Variants in STYXL2 observed in about 807,000 individuals in gnomAD.
The protein encoded by STYXL2 is serine/threonine/tyrosine-interacting-like protein 2.
In STYXL2, 44 loss-of-function variants were observed where a neutral mutation model predicts 52.4. The ratio of observed to expected loss-of-function variants is 0.84; its 90% confidence interval spans 0.66 to 1.08. STYXL2 has a LOEUF of 1.08. Among genes scored for constraint, STYXL2 ranks in the 50% least tolerant of loss-of-function variants. STYXL2 has a pLI of 0.00. For synonymous variants in STYXL2, 604 were observed against 586.9 expected, an observed-to-expected ratio of 1.03 and a Z score of -0.42; for missense variants, 1,604 against 1,471.7, an observed-to-expected ratio of 1.09 and a Z score of -1.47.
rs750104223 is a variant in STYXL2 at position 167,126,046 on chromosome 1, C to CG, written c.919dup (p.Ala307GlyfsTer182). The CG allele has an allele frequency of 3.2e-6, 5 of 1,582,692 alleles. No homozygotes were observed. Among genetic ancestry groups the CG allele is most frequent in the Non-Finnish European group, 4.3e-6 (5 of 1,165,086 alleles). Reference sequence around the variant, plus strand: ...AGGGCGAGGGCACTGGGAGCATGCTCGGGGCCAGAGTGCACGCCCTGACGG... The same window carrying CG: ...AGGGCGAGGGCACTGGGAGCATGCTCGGGGGCCAGAGTGCACGCCCTGACGG... On this transcript the variant is annotated frameshift_variant, in exon 6 of 6. Coordinates refer to ENST00000361200, the MANE Select transcript of STYXL2 (RefSeq NM_001080426.3). LOFTEE classifies it low-confidence loss of function (END_TRUNC).
At position 167,128,503 on chromosome 1, in the gene STYXL2, T is replaced by TG. The variant is rs751225527; in HGVS notation, c.3373dup (p.Asp1125GlyfsTer11). 30 of 1,613,518 alleles carry TG rather than the reference T, an allele frequency of 1.9e-5. No individual in the cohort carries two copies. Among genetic ancestry groups the TG allele is most frequent in the Middle Eastern group, 3.3e-4 (2 of 6,082 alleles). On this transcript the variant is annotated frameshift_variant, in exon 6 of 6. Coordinates refer to ENST00000361200, the MANE Select transcript of STYXL2 (RefSeq NM_001080426.3). LOFTEE classifies it high-confidence loss of function. ...GGCGGTCCCAGTATCGGAGAAGCACTGACAGGGAGGAAGAGGAAGAAATGG... is the reference window on the plus strand; with the variant it reads ...GGCGGTCCCAGTATCGGAGAAGCACTGGACAGGGAGGAAGAGGAAGAAATGG...
intron 3 of STYXL2, among the ~76,000 whole-genome samples, chr1:167,114,407 C>A (rs1279533172): frequency 6.6e-6 from 1 of 152,202 alleles, no homozygotes; most frequent in Non-Finnish European, 1.5e-5. Context: ...CTTCCCCTTT[C>A]TTCTCCCTTC....
chr1:167,113,881 C>A, intron 3 of STYXL2, 77 bp downstream of exon 3: 1 of 1,114,828 alleles, frequency 9.0e-7, no homozygotes, highest in Non-Finnish European at 1.4e-6. Flanking sequence ...CATTGGAAGA[C>A]GTCAATGTGC....
chr1:167,096,685 T>C (rs137869546), intron 2 of STYXL2, among the ~76,000 whole-genome samples: 1,750 of 152,300 alleles, frequency 0.011, 21 homozygotes, highest in Non-Finnish European at 0.017. Flanking sequence ...CTCAGCAAGG[T>C]CATGCTTTCT....
intron 3 of STYXL2, among the ~76,000 whole-genome samples, chr1:167,114,225 G>C (rs1417018964): frequency 2.0e-5 from 3 of 152,132 alleles, no homozygotes; most frequent in African/African-American, 7.2e-5. Context: ...GGATGCATGG[G>C]GAGGAGGGAA....
At position 167,127,493 on chromosome 1, in the gene STYXL2, C is replaced by G; in HGVS notation, c.2362C>G (p.Gln788Glu). 1 of 1,614,108 alleles carries G rather than the reference C, an allele frequency of 6.2e-7. No homozygotes were observed. ...GGGTGGCTGCCTGTTGCCTCAGAGCCAGGCAAGACCCAGCTCTGACATGCA... is the reference window on the plus strand; with the variant it reads ...GGGTGGCTGCCTGTTGCCTCAGAGCGAGGCAAGACCCAGCTCTGACATGCA... ...SLGGCLLPQS[Q>E]ARPSSDMQSV... Residue 788 changes from glutamine to glutamate, a missense_variant, in exon 6 of 6, where the codon CAG (glutamine) becomes GAG (glutamate). Transcript: ENST00000361200.
At chr1:167,112,437 A>G (rs1473745912) in intron 2 of STYXL2, among the ~76,000 whole-genome samples, 1 of 152,224 alleles carries the variant, frequency 6.6e-6, no homozygotes, top group Non-Finnish European at 1.5e-5. Context: ...TCTCAGCTCA[A>G]GTTAGCTTTG....
At position 167,107,092 on chromosome 1, in the gene STYXL2, G is replaced by A. The variant is rs574410352; in HGVS notation, c.111-6618G>A. Reference sequence around the variant, plus strand: ...GGGCTGCAAGGTCCATTTCTAAGAGGATCATTCACATGGTTGGCTGTTGGC... The same window carrying A: ...GGGCTGCAAGGTCCATTTCTAAGAGAATCATTCACATGGTTGGCTGTTGGC... On this transcript the variant is annotated intron_variant, in intron 2 of 5. Transcript: ENST00000361200. Among the ~76,000 whole-genome samples the A allele has an allele frequency of 2.0e-5, 3 of 152,266 alleles. No homozygotes were observed. The South Asian group carries it at 6.2e-4, about 32-fold the overall frequency.
chr1:167,110,844 C>T (rs1472468018), intron 2 of STYXL2, among the ~76,000 whole-genome samples: 2 of 152,236 alleles, frequency 1.3e-5, no homozygotes, highest in Non-Finnish European at 2.9e-5. Flanking sequence ...CCTTCCAGCA[C>T]TTCCCCAACC....
chr1:167,120,164 C>T (rs1345539708), intron 5 of STYXL2, among the ~76,000 whole-genome samples: 1 of 152,142 alleles, frequency 6.6e-6, no homozygotes, highest in Non-Finnish European at 1.5e-5. Flanking sequence ...GAGAGTAGTG[C>T]TTTGGGGTTG....
rs571734495 is a variant in STYXL2, at chr1:167,103,302, A to T, written c.110+8343A>T. ...ATTCCCAGGTTTTGGAAGACATACC[A>T]TTTTGGAGGGCACCGTTCAACTCAC... On this transcript the variant is annotated intron_variant, in intron 2 of 5. Transcript: ENST00000361200. Among the ~76,000 whole-genome samples, 9 of 152,142 alleles carry T rather than the reference A, an allele frequency of 5.9e-5. No homozygotes were observed. In the East Asian group the frequency reaches 1.7e-3, roughly 29 times the overall value.
chr1:167,121,167 C>T (rs1339808766), intron 5 of STYXL2, among the ~76,000 whole-genome samples: 2 of 151,870 alleles, frequency 1.3e-5, no homozygotes, highest in African/African-American at 4.8e-5. Flanking sequence ...CTCCCACTAC[C>T]ACGCCCAGCT....
Position 167,117,330 on chromosome 1 carries a change from C to T in STYXL2, c.208C>T (p.Leu70Phe), listed in dbSNP as rs745492802. Residue 70 changes from leucine (L) to phenylalanine (F), a missense_variant and splice_region_variant, in exon 4 of 6, where the codon CTC (leucine) becomes TTC (phenylalanine). Transcript: ENST00000361200. ...IAAKQIINEE[L>F]KPPGVRADAE... ...AGAATGCTGCCTGTCTCCTCTAGAA[C>T]TCAAGCCACCGGGGGTCAGAGCAGA... The T allele has an allele frequency of 1.9e-6, 3 of 1,604,754 alleles. No homozygotes were observed. The highest frequency in any genetic ancestry group is 1.3e-5 in the African/African-American group (1 of 74,662).
intron 5 of STYXL2, among the ~76,000 whole-genome samples, chr1:167,124,944 C>G (rs1667930596): frequency 1.1e-5 from 1 of 93,020 alleles, no homozygotes; most frequent in Non-Finnish European, 2.2e-5. Flanking sequence ...AGTACAAACT[C>G]CTAAAAAAAA....
At chr1:167,114,755 G>A (rs1667690901) in intron 3 of STYXL2, among the ~76,000 whole-genome samples, 1 of 152,194 alleles carries the variant, frequency 6.6e-6, no homozygotes, top group East Asian at 1.9e-4. Flanking sequence ...TCTGCTTTGG[G>A]GGATTTTTTT....
At chr1:167,112,582 G>A (rs944031547) in intron 2 of STYXL2, among the ~76,000 whole-genome samples, 3 of 152,084 alleles carry the variant, frequency 2.0e-5, no homozygotes, top group African/African-American at 7.2e-5. Flanking sequence ...AATCCAGCTG[G>A]GGTTGCTTCC....
At position 167,117,551 on chromosome 1, in the gene STYXL2, A is replaced by T; in HGVS notation, c.429A>T (p.Ile143=). Residue 143 remains isoleucine, a synonymous_variant, in exon 4 of 6, where the codon ATA becomes ATT. Transcript: ENST00000361200. ...ATGAGGTCTGGCCCAATGTCTTCAT[A>T]GCTGAGAAGTGAGTCTGACTGCTCT... ...EVDEVWPNVF[I]AEKSVAVNKG... is the part of the protein sequence containing the mutation. The T allele has an allele frequency of 6.3e-7, 1 of 1,597,730 alleles. No individual in the cohort carries two copies. The highest frequency in any genetic ancestry group is 2.3e-5 in the East Asian group (1 of 44,276).
intron 2 of STYXL2, among the ~76,000 whole-genome samples, chr1:167,095,682 C>T (rs1667270428): frequency 6.6e-6 from 1 of 152,310 alleles, no homozygotes; most frequent in Middle Eastern, 3.4e-3. Flanking sequence ...TGTGCCTGTC[C>T]ATTTTCTTCT....
At chr1:167,115,015 A>G (rs1373811228) in intron 3 of STYXL2, among the ~76,000 whole-genome samples, 1 of 152,182 alleles carries the variant, frequency 6.6e-6, no homozygotes, top group East Asian at 1.9e-4. Flanking sequence ...TTGGTTCTTG[A>G]TAAGTAAAAG....
Sources: gnomAD v4.1 joint callset for allele counts (sites outside exome capture counted in the v4.1 genomes callset) on GRCh38, gnomAD v4.1.1 for gene constraint, MANE v1.5 for transcripts, NCBI Gene and HGNC (gene_info 2026-07-23, HGNC 2026-07-21) for gene names.